The following ZMYM5 variants were observed in gnomAD, a reference collection of about 807,000 sequenced individuals.
ZMYM5 encodes the protein zinc finger MYM-type containing 5.
In ZMYM5, 41 loss-of-function variants were observed where a neutral mutation model predicts 61.8. The observed-to-expected ratio is 0.66, with a 90% CI of 0.52 to 0.86. The LOEUF (loss-of-function observed/expected upper bound fraction) is 0.86, where lower values mean the gene tolerates loss of function less well. Among genes scored for constraint, ZMYM5 ranks in the 40% least tolerant of loss-of-function variants. The pLI, the probability that ZMYM5 is intolerant of heterozygous loss-of-function variation, is 0.00. For missense variants in ZMYM5, 706 were observed against 786.7 expected, an observed-to-expected ratio of 0.90 and a Z score of 1.23; for synonymous variants, 257 against 276.4, an observed-to-expected ratio of 0.93 and a Z score of 0.70.
rs562704167 is a variant in ZMYM5 at position 19,843,999 on chromosome 13, G to A, written c.587-5014C>T. 6.0e-4 allele frequency among the ~76,000 whole-genome samples: 91 copies of A among 151,518 alleles called. 1 individual carries two copies. Among genetic ancestry groups the A allele is most frequent in the East Asian group, 2.5e-3 (13 of 5,130 alleles). ...AAAATACTTAAAAATTTAGGTGGACGTGGTGGCAGGCGCCTGTAGTCCCAG... is the reference window on the plus strand; with the variant it reads ...AAAATACTTAAAAATTTAGGTGGACATGGTGGCAGGCGCCTGTAGTCCCAG... On this transcript the variant is annotated intron_variant, in intron 4 of 7. Transcript: ENST00000337963.
chr13:19,835,498 A>G lies in ZMYM5; in HGVS notation c.1230T>C (p.Ser410=). 2.2e-6 allele frequency: 3 copies of G among 1,367,656 alleles called. No homozygotes were observed. The highest frequency in any genetic ancestry group is 2.9e-6 in the Non-Finnish European group (3 of 1,021,842). The allele number at this position is 1,367,656 out of a possible 1,614,324, so 84.7% of individuals were successfully genotyped here. A position where few individuals can be genotyped will look rare whatever the true frequency, so the allele number is the denominator to read the frequency against. The change falls in exon 7 of 8, where the codon AGT becomes AGC. Residue 410 remains serine, a synonymous_variant. Coordinates refer to ENST00000337963, the MANE Select transcript of ZMYM5 (RefSeq NM_001142684.2). ...GGQQKRFCCQ[S]CINEYKQMME... is the part of the protein sequence containing the mutation. ...TTACCTGTTTATATTCGTTAATACA[A>G]CTTTGGCAGCAAAATCTCTTCTGCT...
intron 2 of ZMYM5, among the ~76,000 whole-genome samples, chr13:19,858,026 AAATAT>A (rs1173003990): frequency 6.8e-6 from 1 of 147,716 alleles, no homozygotes; most frequent in African/African-American, 2.6e-5. Context: ...AATAAAAAAT[AAATAT>A]AATAAAATAA....
chr13:19,831,109 G>A (rs1343466078), intron 7 of ZMYM5, among the ~76,000 whole-genome samples: 9 of 143,756 alleles, frequency 6.3e-5, no homozygotes, highest in African/African-American at 2.6e-5. Context: ...TTACAGGCGT[G>A]AGCCACCACA....
At chr13:19,858,970 T>C (rs1338540736) in intron 2 of ZMYM5, among the ~76,000 whole-genome samples, 1 of 152,196 alleles carries the variant, frequency 6.6e-6, no homozygotes, top group Non-Finnish European at 1.5e-5. Context: ...TTTGATAAGA[T>C]AGAACATAAG....
intron 7 of ZMYM5, among the ~76,000 whole-genome samples, chr13:19,832,322 A>G (rs896424352): frequency 6.6e-6 from 1 of 151,064 alleles, no homozygotes; most frequent in Non-Finnish European, 1.5e-5. Context: ...CAGGTAAATC[A>G]TCCTTTTTTT....
chr13:19,825,858 T>C (rs1263026654), intron 7 of ZMYM5, among the ~76,000 whole-genome samples: 1 of 151,834 alleles, frequency 6.6e-6, no homozygotes, highest in Non-Finnish European at 1.5e-5. Flanking sequence ...GTGGCAAATA[T>C]GGCGAAACCC....
intron 7 of ZMYM5, among the ~76,000 whole-genome samples, chr13:19,832,658 G>A (rs1006062925): frequency 2.6e-5 from 4 of 151,988 alleles, no homozygotes; most frequent in African/African-American, 9.7e-5. Context: ...AAAAAGGCTT[G>A]GAAAATATTA....
In ZMYM5 at chr13:19,838,799, T is replaced by C. The variant is rs1425137582; in HGVS notation, c.773A>G (p.Tyr258Cys). The part of the protein sequence containing the change: ...KKPLQKGQTA[Y>C]QRKGSAHLFC... Reference sequence around the variant, plus strand: ...GAGGTGAGCTGATCCTTTTCGTTGATAAGCTGTCTGTCCCTTCTGTAAAGG... The same window carrying C: ...GAGGTGAGCTGATCCTTTTCGTTGACAAGCTGTCTGTCCCTTCTGTAAAGG... The change falls in exon 5 of 8, where the codon TAT (tyrosine) becomes TGT (cysteine). Residue 258 changes from tyrosine (Y) to cysteine (C), a missense_variant. Around this residue, in one of 2 missense-constraint regions of ZMYM5, gnomAD observed 480 missense variants for 461.7 expected, o/e 1.04. Coordinates refer to ENST00000337963, the MANE Select transcript of ZMYM5 (RefSeq NM_001142684.2). 1 of 1,614,216 alleles carries C rather than the reference T, an allele frequency of 6.2e-7. No individual in the cohort carries two copies. The highest frequency in any genetic ancestry group is 8.5e-7 in the Non-Finnish European group (1 of 1,180,048).
intron 7 of ZMYM5, among the ~76,000 whole-genome samples, chr13:19,830,184 T>C (rs985891206): frequency 6.6e-6 from 1 of 152,186 alleles, no homozygotes; most frequent in Non-Finnish European, 1.5e-5. Context: ...TTTTATGACG[T>C]GTATGTTATT....
At chr13:19,831,911 A>C (rs1469121947) in intron 7 of ZMYM5, among the ~76,000 whole-genome samples, 2 of 150,748 alleles carry the variant, frequency 1.3e-5, no homozygotes, top group Non-Finnish European at 3.0e-5. Flanking sequence ...GCTGGAGTAC[A>C]GTGGCGTGAT....
chr13:19,839,792 G>C (rs1182468080), intron 4 of ZMYM5, among the ~76,000 whole-genome samples: 1 of 152,172 alleles, frequency 6.6e-6, no homozygotes, highest in African/African-American at 2.4e-5. Flanking sequence ...AGACGCAGTA[G>C]TTTAATATAA....
chr13:19,835,574 T>C lies in ZMYM5; in HGVS notation c.1154A>G (p.Glu385Gly). The part of the protein sequence containing the change: ...LIMNCCEHCG[E>G]YMPSKSTGNN... ...TCCAGTACTCTTACTAGGCATGTACTCTCCACAGTGTTCACAGCAGTTCAT... is the reference window on the plus strand; with the variant it reads ...TCCAGTACTCTTACTAGGCATGTACCCTCCACAGTGTTCACAGCAGTTCAT... The change falls in exon 7 of 8, where the codon GAG (glutamate) becomes GGG (glycine). Residue 385 changes from glutamate to glycine, a missense_variant. Glu to Gly is a moderately conservative substitution (Grantham distance 98). Transcript: ENST00000337963. 7.3e-7 allele frequency: 1 copy of C among 1,367,700 alleles called. No individual in the cohort carries two copies. The highest frequency in any genetic ancestry group is 9.8e-7 in the Non-Finnish European group (1 of 1,021,846). The allele number at this position is 1,367,700 out of a possible 1,614,324, so 84.7% of individuals were successfully genotyped here. A position where few individuals can be genotyped will look rare whatever the true frequency, so the allele number is the denominator to read the frequency against.
At position 19,851,858 on chromosome 13, in the gene ZMYM5, G is replaced by A; in HGVS notation, c.323C>T (p.Ser108Phe). ...VIPPSSRDLA[S>F]QKGNISETIV... ...TGTCTCACTTATATTTCCTTTCTGA[G>A]ATGCCAAATCTCTTGAAGAAGGAGG... Residue 108 changes from serine to phenylalanine, a missense_variant, in exon 3 of 8, where the codon TCT becomes TTT. Coordinates refer to ENST00000337963, the MANE Select transcript of ZMYM5 (RefSeq NM_001142684.2). The A allele has an allele frequency of 1.9e-6, 3 of 1,611,818 alleles. No individual in the cohort carries two copies. The highest frequency in any genetic ancestry group is 2.5e-6 in the Non-Finnish European group (3 of 1,179,570).
chr13:19,860,447 T>TGG, intron 2 of ZMYM5, among the ~76,000 whole-genome samples: 1 of 125,250 alleles, frequency 8.0e-6, no homozygotes, highest in Non-Finnish European at 1.7e-5. Flanking sequence ...TGTGTGTGTG[T>TGG]ATGTGTGTGT....
Position 19,851,287 on chromosome 13 carries a change from A to C in ZMYM5, c.586+68T>G. Reference sequence around the variant, plus strand: ...ACAGAATGTGAATAAAATAGATATGAGCTTTACTAAAAAGAACAGCCAAAG... The same window carrying C: ...ACAGAATGTGAATAAAATAGATATGCGCTTTACTAAAAAGAACAGCCAAAG... On this transcript the variant is annotated intron_variant, in intron 4 of 7. Transcript: ENST00000337963. 21 of 1,325,344 alleles carry C rather than the reference A, an allele frequency of 1.6e-5. No individual in the cohort carries two copies. In the South Asian group the frequency reaches 2.6e-4, roughly 16 times the overall value. 82.1% of individuals were successfully genotyped at this position (1,325,344 alleles called of 1,614,324 possible). A position where few individuals can be genotyped will look rare whatever the true frequency, so the allele number is the denominator to read the frequency against.
intron 4 of ZMYM5, among the ~76,000 whole-genome samples, chr13:19,844,232 C>G (rs1402622112): frequency 6.6e-6 from 1 of 151,928 alleles, no homozygotes; most frequent in Non-Finnish European, 1.5e-5. Context: ...ATGGCTTGAG[C>G]CCGGGAGGTG....
intron 6 of ZMYM5, 128 bp from the exon 7 acceptor site, chr13:19,835,817 A>G (rs1327529255): frequency 4.7e-6 from 3 of 633,300 alleles, no homozygotes; most frequent in Non-Finnish European, 4.7e-6. Context: ...AGATATACCC[A>G]GGGAAAAGAT....
At position 19,857,176 on chromosome 13, in the gene ZMYM5, T is replaced by C. The variant is rs376787777; in HGVS notation, c.-10-4986A>G. 1.4e-4 allele frequency among the ~76,000 whole-genome samples: 21 copies of C among 152,378 alleles called. No individual in the cohort carries two copies. The East Asian group carries it at 1.5e-3, about 11-fold the overall frequency. ...TAAAAAGGTATTTAGGCAAATACTA[T>C]GCTACATTGCTACATGCTGGGATTT... On this transcript the variant is annotated intron_variant, in intron 2 of 7. Coordinates refer to ENST00000337963, the MANE Select transcript of ZMYM5 (RefSeq NM_001142684.2).
intron 7 of ZMYM5, among the ~76,000 whole-genome samples, chr13:19,834,003 C>T (rs1403496449): frequency 2.0e-5 from 3 of 152,078 alleles, no homozygotes; most frequent in African/African-American, 7.3e-5. Flanking sequence ...TGAGACAGAG[C>T]GTTGCTCTTG....
Sources: gnomAD v4.1 joint callset for allele counts (sites outside exome capture counted in the v4.1 genomes callset) on GRCh38, gnomAD v4.1.1 for gene constraint, gnomAD v4.1.1 regional missense constraint, MANE v1.5 for transcripts, NCBI Gene and HGNC (gene_info 2026-07-23, HGNC 2026-07-21) for gene names.